The following WASHC3 variants were observed in gnomAD, a reference collection of about 807,000 sequenced individuals.
The protein encoded by WASHC3 is WASH complex subunit 3.
WASHC3 carries 24 observed loss-of-function variants against 26.1 expected under a neutral mutation model. That is an observed-to-expected ratio of 0.92 (90% CI 0.66 to 1.29). The LOEUF (loss-of-function observed/expected upper bound fraction) is 1.29, where lower values mean the gene tolerates loss of function less well. WASHC3 is among the 50% of genes most tolerant of loss of function. The pLI is 0.00. For synonymous variants in WASHC3, 77 were observed against 75.7 expected (o/e 1.02, Z -0.09); for missense variants, 214 against 229.6 (o/e 0.93, Z 0.44).
chr12:102,015,762 A>G (rs186394388), intron 6 of WASHC3, among the ~76,000 whole-genome samples: 13 of 152,326 alleles, frequency 8.5e-5, no homozygotes, highest in African/African-American at 3.1e-4. Flanking sequence ...TTGTTACAGA[A>G]TGTGAGACAG....
intron 6 of WASHC3, among the ~76,000 whole-genome samples, chr12:102,015,065 G>A (rs548600370): frequency 2.8e-4 from 43 of 152,304 alleles, no homozygotes; most frequent in African/African-American, 1.0e-3. Context: ...CACTTTGGGA[G>A]GCCGAAGAGG....
intron 6 of WASHC3, among the ~76,000 whole-genome samples, chr12:102,016,538 T>G (rs1388448309): frequency 6.6e-6 from 1 of 152,100 alleles, no homozygotes; most frequent in Non-Finnish European, 1.5e-5. Flanking sequence ...TCCTACTTAC[T>G]TTTTGAAAAA....
chr12:102,036,407 A>G (rs1245619556), intron 5 of WASHC3, among the ~76,000 whole-genome samples: 2 of 151,912 alleles, frequency 1.3e-5, no homozygotes, highest in African/African-American at 4.8e-5. Context: ...AGGGAGCAAT[A>G]GGAAATAAAA....
At chr12:102,044,637 AG>A (rs1455203085) in intron 3 of WASHC3, among the ~76,000 whole-genome samples, 1 of 152,238 alleles carries the variant, frequency 6.6e-6, no homozygotes, top group Non-Finnish European at 1.5e-5. Context: ...TCGAAAAAAA[AG>A]GGCTTTGTGC....
intron 6 of WASHC3, among the ~76,000 whole-genome samples, chr12:102,019,689 C>T (rs548249258): frequency 2.6e-5 from 4 of 151,860 alleles, no homozygotes; most frequent in African/African-American, 9.7e-5. Flanking sequence ...ATTTGTGACA[C>T]CAAAATTATC....
chr12:102,061,778 G>A, intron 1 of WASHC3, 134 bp downstream of exon 1: 1 of 670,444 alleles, frequency 1.5e-6, no homozygotes, highest in Non-Finnish European at 2.5e-6. Context: ...CCCTCCTGAG[G>A]CCCCACAGGC....
At chr12:102,022,746 T>C (rs1486506030) in intron 6 of WASHC3, among the ~76,000 whole-genome samples, 1 of 152,218 alleles carries the variant, frequency 6.6e-6, no homozygotes, top group Non-Finnish European at 1.5e-5. Flanking sequence ...TTCAGGGACA[T>C]AAATGTAAGT....
chr12:102,050,748 T>G (rs1878364818), intron 2 of WASHC3: 1 of 361,926 alleles, frequency 2.8e-6, no homozygotes, highest in Admixed American at 3.4e-5. Context: ...TAAAATTCAC[T>G]ATAAGGTTAA....
intron 4 of WASHC3, chr12:102,040,396 A>T (rs957996392): frequency 6.6e-6 from 1 of 152,190 alleles, no homozygotes; most frequent in African/African-American, 2.4e-5. Context: ...TTGATTTCCT[A>T]GGTATCTAGA....
chr12:102,048,435 T>C (rs1022689830), intron 2 of WASHC3: 2 of 152,130 alleles, frequency 1.3e-5, no homozygotes, highest in African/African-American at 4.8e-5. Context: ...TGTGGTGGTG[T>C]GCGTCTGCAG....
chr12:102,061,629 G>A (rs78608611), intron 1 of WASHC3, among the ~76,000 whole-genome samples: 5,701 of 152,292 alleles, frequency 0.037, 147 homozygotes, highest in African/African-American at 0.069. Flanking sequence ...TGAATAAGAG[G>A]TAGGGCTAGC....
intron 2 of WASHC3, among the ~76,000 whole-genome samples, chr12:102,057,245 T>C (rs1878627166): frequency 6.6e-6 from 1 of 152,032 alleles, no homozygotes. Context: ...CTCAACAAAT[T>C]AGGTATAGAA....
chr12:102,043,067 T>C (rs1372964671), intron 4 of WASHC3, among the ~76,000 whole-genome samples: 1 of 152,110 alleles, frequency 6.6e-6, no homozygotes. Flanking sequence ...CACTGGTATT[T>C]CTAAGATCAG....
intron 2 of WASHC3, among the ~76,000 whole-genome samples, chr12:102,059,353 A>G (rs1437626674): frequency 1.3e-5 from 2 of 152,226 alleles, no homozygotes; most frequent in Non-Finnish European, 2.9e-5. Context: ...AAGATTTTTG[A>G]AAAAGGACAA....
chr12:102,038,219 T>C (rs1054695275), intron 5 of WASHC3, among the ~76,000 whole-genome samples: 3 of 152,236 alleles, frequency 2.0e-5, no homozygotes, highest in Non-Finnish European at 1.5e-5. Flanking sequence ...TAAATCTAGA[T>C]AATACCTAAT....
chr12:102,050,083 C>T (rs970038541), intron 2 of WASHC3: 7 of 215,342 alleles, frequency 3.3e-5, no homozygotes, highest in African/African-American at 7.1e-5. Context: ...TTTGGGAGGC[C>T]GAAGCAGGCA....
chr12:102,039,842 A>G (rs1565816831), intron 5 of WASHC3, 26 bp downstream of exon 5: 12 of 1,134,696 alleles, frequency 1.1e-5, no homozygotes, highest in Non-Finnish European at 1.6e-5. Flanking sequence ...GCTGCTACAC[A>G]AAGAAGACAG....
intron 6 of WASHC3, among the ~76,000 whole-genome samples, chr12:102,016,620 A>G (rs1876716248): frequency 6.6e-6 from 1 of 152,204 alleles, no homozygotes; most frequent in South Asian, 2.1e-4. Context: ...TTACAATAGA[A>G]AATAGCAGAT....
intron 5 of WASHC3, among the ~76,000 whole-genome samples, chr12:102,039,498 T>A (rs1258310675): frequency 2.6e-5 from 4 of 152,044 alleles, no homozygotes; most frequent in African/African-American, 7.2e-5. Context: ...AACATAAAAA[T>A]TTTTAAAAAA....
Sources: allele counts gnomAD v4.1 joint callset (sites outside exome capture counted in the v4.1 genomes callset), GRCh38; gene constraint gnomAD v4.1.1; transcripts MANE v1.5; gene names NCBI Gene and HGNC (gene_info 2026-07-23, HGNC 2026-07-21).